The following RNASE4 variants were observed in gnomAD, a reference collection of about 807,000 sequenced individuals.
RNASE4 encodes the protein ribonuclease A family member 4, also known as ribonuclease 4.
For missense variants in RNASE4, 194 were observed against 192.8 expected, an observed-to-expected ratio of 1.01 and a Z score of -0.04; for synonymous variants, 93 against 71.4, an observed-to-expected ratio of 1.30 and a Z score of -1.52.
rs1887261968 is a variant in RNASE4, at chr14:20,700,628, T to C, written c.*813T>C. The C allele has an allele frequency of 1.2e-5, 2 of 167,056 alleles. No homozygotes were observed. Among genetic ancestry groups the C allele is most frequent in the African/African-American group, 4.8e-5 (2 of 41,454 alleles). The allele number at this position is 167,056 out of a possible 1,614,324, so 10.3% of individuals were successfully genotyped here. On this transcript the variant is annotated 3_prime_UTR_variant, in exon 2 of 2. Coordinates refer to ENST00000555835, the MANE Select transcript of RNASE4 (RefSeq NM_002937.5). ...GACTGTGCTATGGTATTATTTTTTTTCTCTGACTTTTAAATTCTTGTTTAG... is the reference window on the plus strand; with the variant it reads ...GACTGTGCTATGGTATTATTTTTTTCCTCTGACTTTTAAATTCTTGTTTAG...
chr14:20,693,908 C>T (rs776697501), intron 1 of RNASE4: 1 of 1,614,156 alleles, frequency 6.2e-7, no homozygotes, highest in South Asian at 1.1e-5. Context: ...CCCTGGCCTC[C>T]ATGCCAGTAC....
rs1355596125 is a variant in RNASE4, at chr14:20,699,391, A to T, written c.20A>T (p.His7Leu). 6.2e-7 allele frequency: 1 copy of T among 1,604,388 alleles called. No individual in the cohort carries two copies. Among genetic ancestry groups the T allele is most frequent in the African/African-American group, 1.3e-5 (1 of 74,750 alleles). MALQRT[H>L]SLLLLLLLTL... ...ATACTGATGGCTCTGCAGAGGACCC[A>T]TTCATTGCTTCTGCTTTTGCTGCTG... Residue 7 changes from histidine (H) to leucine (L), a missense_variant, in exon 2 of 2, where the codon CAT becomes CTT. His to Leu is a moderately conservative substitution (Grantham distance 99, BLOSUM62 -3). Coordinates refer to ENST00000555835, the MANE Select transcript of RNASE4 (RefSeq NM_002937.5).
At chr14:20,691,193 A>G (rs1486024859) in intron 1 of RNASE4, among the ~76,000 whole-genome samples, 1 of 152,216 alleles carries the variant, frequency 6.6e-6, no homozygotes, top group Admixed American at 6.5e-5. Flanking sequence ...CATTAGTAAC[A>G]TTCCTATCCA....
intron 1 of RNASE4, among the ~76,000 whole-genome samples, chr14:20,694,895 T>C (rs992324787): frequency 2.0e-5 from 3 of 152,166 alleles, no homozygotes; most frequent in Non-Finnish European, 4.4e-5. Context: ...TATACACATA[T>C]GTAATCCAGC....
At position 20,691,845 on chromosome 14, in the gene RNASE4, G is replaced by A. The variant is rs1312869309; in HGVS notation, c.-18+7087G>A. 2.6e-5 allele frequency among the ~76,000 whole-genome samples: 4 copies of A among 152,174 alleles called. No homozygotes were observed. In the East Asian group the frequency reaches 5.8e-4, roughly 22 times the overall value. ...GAGCCCACTTTGCTCACCCAGTCAC[G>A]TCTTCCCATGTAACCATAGAACATT... On this transcript the variant is annotated intron_variant, in intron 1 of 1. Coordinates refer to ENST00000555835, the MANE Select transcript of RNASE4 (RefSeq NM_002937.5).
intron 1 of RNASE4, among the ~76,000 whole-genome samples, chr14:20,689,507 G>A (rs1210593397): frequency 6.6e-6 from 1 of 152,178 alleles, no homozygotes; most frequent in Non-Finnish European, 1.5e-5. Flanking sequence ...TTAACTCCCT[G>A]GTGTGTAAAA....
chr14:20,696,529 T>A (rs1234725503), intron 1 of RNASE4, among the ~76,000 whole-genome samples: 1 of 152,000 alleles, frequency 6.6e-6, no homozygotes, highest in Non-Finnish European at 1.5e-5. Context: ...GGAAGAAAAT[T>A]CCATGCAATT....
At chr14:20,685,177 T>C (rs192776561) in intron 1 of RNASE4, among the ~76,000 whole-genome samples, 2 of 152,296 alleles carry the variant, frequency 1.3e-5, no homozygotes, top group East Asian at 3.9e-4. Flanking sequence ...GTTTTCTGTT[T>C]ACTCTCCTCT....
intron 1 of RNASE4, among the ~76,000 whole-genome samples, chr14:20,685,757 G>A (rs1331335767): frequency 6.6e-6 from 1 of 152,118 alleles, no homozygotes; most frequent in Non-Finnish European, 1.5e-5. Flanking sequence ...TAAAAGTTGT[G>A]TGGGCCCGGC....
intron 1 of RNASE4, among the ~76,000 whole-genome samples, chr14:20,695,454 A>G (rs1356824509): frequency 6.6e-6 from 1 of 152,028 alleles, no homozygotes; most frequent in African/African-American, 2.4e-5. Flanking sequence ...TTCTTCCTCA[A>G]TTCTCAAGAT....
rs1887213813 is a variant in RNASE4, at chr14:20,699,532, A to G, written c.161A>G (p.Asn54Ser). Residue 54 changes from asparagine (N) to serine (S), a missense_variant, in exon 2 of 2, where the codon AAC becomes AGC. Transcript: ENST00000555835. ...EETGGSDRYCNLMMQRRKMTL... is the reference protein window; with the variant it reads ...EETGGSDRYCSLMMQRRKMTL... ...ACAGGTGGCAGTGATCGCTACTGCA[A>G]CTTGATGATGCAAAGACGGAAGATG... is the stretch of plus-strand genomic sequence containing the variant. 6.2e-7 allele frequency: 1 copy of G among 1,614,252 alleles called. No individual in the cohort carries two copies.
rs1234220460 is a variant in RNASE4, at chr14:20,693,139, G to T, written c.-17-6216G>T. Among the ~76,000 whole-genome samples, 3 of 152,348 alleles carry T rather than the reference G, an allele frequency of 2.0e-5. No homozygotes were observed. The East Asian group carries it at 5.8e-4, about 29-fold the overall frequency. Reference sequence around the variant, plus strand: ...TGGGATTACAGGCGTGAGCCACCGCGCCCGGCCGTCATTTGGTATGTCTTA... The same window carrying T: ...TGGGATTACAGGCGTGAGCCACCGCTCCCGGCCGTCATTTGGTATGTCTTA... On this transcript the variant is annotated intron_variant, in intron 1 of 1. Coordinates refer to ENST00000555835, the MANE Select transcript of RNASE4 (RefSeq NM_002937.5).
chr14:20,694,548 C>T (rs1359397306), intron 1 of RNASE4, among the ~76,000 whole-genome samples: 1 of 152,082 alleles, frequency 6.6e-6, no homozygotes, highest in Non-Finnish European at 1.5e-5. Context: ...GATCCGCCCA[C>T]CTTGGCCTCT....
intron 1 of RNASE4, among the ~76,000 whole-genome samples, chr14:20,697,701 T>C (rs554843941): frequency 6.6e-6 from 1 of 152,356 alleles, no homozygotes; most frequent in African/African-American, 2.4e-5. Flanking sequence ...AAGACAATAG[T>C]ACCCATATAC....
At chr14:20,695,015 A>G (rs536110868) in intron 1 of RNASE4, among the ~76,000 whole-genome samples, 1 of 152,342 alleles carries the variant, frequency 6.6e-6, no homozygotes, top group Non-Finnish European at 1.5e-5. Flanking sequence ...GTTATTTTAT[A>G]TAAAATTCAA....
intron 1 of RNASE4, among the ~76,000 whole-genome samples, chr14:20,690,071 C>T (rs1324209438): frequency 2.0e-5 from 3 of 147,568 alleles, no homozygotes; most frequent in Non-Finnish European, 3.0e-5. Context: ...AAAAATTAGC[C>T]GGGCGCGGTG....
chr14:20,688,752 T>A (rs542551453), intron 1 of RNASE4: 2 of 985,350 alleles, frequency 2.0e-6, no homozygotes, highest in South Asian at 9.4e-5. Context: ...GAACACTATA[T>A]AATCAGAACC....
intron 1 of RNASE4, among the ~76,000 whole-genome samples, chr14:20,691,176 G>T (rs1248773117): frequency 6.6e-6 from 1 of 152,108 alleles, no homozygotes; most frequent in African/African-American, 2.4e-5. Flanking sequence ...GTATTTCCTA[G>T]AGAAGACATT....
At chr14:20,699,265 G>A (rs1887196586) in intron 1 of RNASE4, 90 bp from the exon 2 acceptor site, 2 of 1,062,564 alleles carry the variant, frequency 1.9e-6, no homozygotes, top group Non-Finnish European at 2.7e-6. Flanking sequence ...AGGAGACTAT[G>A]GAGTCAGGAT....
Sources: gnomAD v4.1 joint callset for allele counts (sites outside exome capture counted in the v4.1 genomes callset) on GRCh38, gnomAD v4.1.1 for gene constraint, MANE v1.5 for transcripts, NCBI Gene and HGNC (gene_info 2026-07-23, HGNC 2026-07-21) for gene names.